PRAP1: variants seen among roughly 807,000 people sequenced by gnomAD.
PRAP1 encodes the protein proline-rich acidic protein 1.
PRAP1 carries 12 observed loss-of-function variants against 14.6 expected under a neutral mutation model. That is an observed-to-expected ratio of 0.82 (90% CI 0.53 to 1.33). The LOEUF (loss-of-function observed/expected upper bound fraction) is 1.33, where lower values mean the gene tolerates loss of function less well. Ranked by LOEUF, PRAP1 falls within the 40% of genes most tolerant of loss-of-function variation. The probability of loss-of-function intolerance (pLI) is 0.00; values close to 1 mark genes in which losing one functional copy is unlikely to be tolerated. For synonymous variants in PRAP1, 81 were observed against 80.3 expected (o/e 1.01, Z -0.04); for missense variants, 160 against 193.7 (o/e 0.83, Z 1.03).
At chr10:133,348,239 A>G (rs7075437) in intron 1 of PRAP1, among the ~76,000 whole-genome samples, 141,624 of 152,112 alleles carry the variant, frequency 0.93, 66,689 homozygotes, top group Non-Finnish European at 1. Context: ...TCCAGTGCCC[A>G]GACAAGAGCC....
rs1848700507 is a variant in PRAP1, at chr10:133,352,597, G to T, written c.*157G>T. ...CCAGCACTTTTAGAGGCCGAGGCAG[G>T]CGGATCACCTGAAATCAGGAGTTCC... On this transcript the variant is annotated 3_prime_UTR_variant, in exon 5 of 5. Transcript: ENST00000433452. 6.4e-6 allele frequency: 4 copies of T among 624,330 alleles called. No homozygotes were observed. In the South Asian group the frequency reaches 8.1e-5, roughly 13 times the overall value. The allele number at this position is 624,330 out of a possible 1,614,324, so 38.7% of individuals were successfully genotyped here.
At chr10:133,348,865 T>C (rs1481789256) in intron 1 of PRAP1, among the ~76,000 whole-genome samples, 2 of 151,974 alleles carry the variant, frequency 1.3e-5, no homozygotes, top group Non-Finnish European at 2.9e-5. Context: ...TTTGCCATGT[T>C]GGCCAGGCTG....
At chr10:133,348,300 C>T (rs969296519) in intron 1 of PRAP1, among the ~76,000 whole-genome samples, 18 of 152,284 alleles carry the variant, frequency 1.2e-4, no homozygotes, top group South Asian at 2.1e-4. Context: ...GCAGGGCCCC[C>T]GAACCAGACC....
chr10:133,350,022 C>T, intron 1 of PRAP1, 73 bp from the exon 2 acceptor site: 2 of 1,316,662 alleles, frequency 1.5e-6, no homozygotes, highest in Non-Finnish European at 2.1e-6. Flanking sequence ...CCCAGCTGCC[C>T]ATCAGGGTGC....
intron 1 of PRAP1, among the ~76,000 whole-genome samples, chr10:133,349,885 G>C (rs1325115911): frequency 6.6e-6 from 1 of 152,228 alleles, no homozygotes; most frequent in Non-Finnish European, 1.5e-5. Context: ...GTGGGCTCTG[G>C]CCTGAGGGGG....
rs778967834 is a variant in PRAP1 at position 133,350,208 on chromosome 10, T to C, written c.75+47T>C. The C allele has an allele frequency of 3.9e-6, 6 of 1,548,376 alleles. No homozygotes were observed. In the Admixed American group the frequency reaches 1.0e-4, roughly 27 times the overall value. ...CTGGGCAGCAACTCCAGTTGTCACC[T>C]TCTGCCCCTACAGCAGGGGATGTGG... On this transcript the variant is annotated intron_variant, in intron 2 of 4. Coordinates refer to ENST00000433452, the MANE Select transcript of PRAP1 (RefSeq NM_145202.5).
Position 133,352,011 on chromosome 10 carries a change from T to TGA in PRAP1, c.134_135insAG (p.Trp45Ter). 6.2e-7 allele frequency: 1 copy of TGA among 1,612,538 alleles called. No homozygotes were observed. Residue 45 changes from tryptophan to a stop codon, truncating the protein, a stop_gained and frameshift_variant, in exon 4 of 5, where the codon TGG (tryptophan) becomes TGAGG (stop). Coordinates refer to ENST00000433452, the MANE Select transcript of PRAP1 (RefSeq NM_145202.5). LOFTEE classifies it high-confidence loss of function. Reference protein sequence around the residue: ...WPSEQDPEKAWGARVVEPPEK... With the variant: ...WPSEQDPEKA ...CTGACCAAACTGTGCCAGCAGGGCC[T>TGA]GGGGCGCCCGTGTGGTGGAGCCTCC... is the stretch of plus-strand genomic sequence containing the variant.
Position 133,352,250 on chromosome 10 carries a change from C to T in PRAP1, c.266C>T (p.Thr89Ile), listed in dbSNP as rs1205968654. The change falls in exon 5 of 5, where the codon ACC (threonine) becomes ATC (isoleucine). Residue 89 changes from threonine to isoleucine, a missense_variant. Transcript: ENST00000433452. ...GQGRGPILPGTKAWMETEDTL... is the reference protein window; with the variant it reads ...GQGRGPILPGIKAWMETEDTL... ...ACCTTCATGTGCTTGTCCCTAGGCA[C>T]CAAGGCCTGGATGGAGACCGAGGAC... 7 of 1,612,766 alleles carry T rather than the reference C, an allele frequency of 4.3e-6. No individual in the cohort carries two copies. The highest frequency in any genetic ancestry group is 5.9e-6 in the Non-Finnish European group (7 of 1,179,844).
chr10:133,348,149 C>T (rs1420046908), intron 1 of PRAP1, among the ~76,000 whole-genome samples: 3 of 152,174 alleles, frequency 2.0e-5, no homozygotes, highest in East Asian at 1.9e-4. Context: ...TACCGTGACC[C>T]GAATCCCAGG....
Position 133,347,498 on chromosome 10 carries a change from G to A in PRAP1, c.8+73G>A. 1 of 1,486,882 alleles carries A rather than the reference G, an allele frequency of 6.7e-7. No homozygotes were observed. The highest frequency in any genetic ancestry group is 9.2e-7 in the Non-Finnish European group (1 of 1,091,104). 92.1% of individuals were successfully genotyped at this position (1,486,882 alleles called of 1,614,324 possible). ...GAGGCCTGGCCCTTAGCCAGAGGGG[G>A]CCCAGCTGTGCTGCGCTCCAGGGGG... On this transcript the variant is annotated intron_variant, in intron 1 of 4. Transcript: ENST00000433452. The surrounding 1 kb of genome is among the most constrained non-coding windows in gnomAD (Gnocchi z 5.0).
rs777576350 is a variant in PRAP1, at chr10:133,352,469, C to G, written c.*29C>G. The G allele has an allele frequency of 1.6e-5, 26 of 1,594,870 alleles. No individual in the cohort carries two copies. Among genetic ancestry groups the G allele is most frequent in the Non-Finnish European group, 1.9e-5 (22 of 1,166,482 alleles). On this transcript the variant is annotated 3_prime_UTR_variant, in exon 5 of 5. Coordinates refer to ENST00000433452, the MANE Select transcript of PRAP1 (RefSeq NM_145202.5). ...TCCAGGGGCCATCACTGCCCCCGCCCTGTCCCAAGGCCCAGGCTGTTGGGA... is the reference window on the plus strand; with the variant it reads ...TCCAGGGGCCATCACTGCCCCCGCCGTGTCCCAAGGCCCAGGCTGTTGGGA...
intron 1 of PRAP1, among the ~76,000 whole-genome samples, chr10:133,349,186 C>T (rs541523774): frequency 1.3e-5 from 2 of 151,538 alleles, no homozygotes; most frequent in African/African-American, 2.4e-5. Context: ...CAAACCCTTA[C>T]GCTCCACCCC....
rs1176061399 is a variant in PRAP1, at chr10:133,352,601, A to G, written c.*161A>G. ...CACTTTTAGAGGCCGAGGCAGGCGG[A>G]TCACCTGAAATCAGGAGTTCCAGAC... On this transcript the variant is annotated 3_prime_UTR_variant, in exon 5 of 5. Coordinates refer to ENST00000433452, the MANE Select transcript of PRAP1 (RefSeq NM_145202.5). The G allele has an allele frequency of 4.9e-6, 3 of 611,618 alleles. No individual in the cohort carries two copies. The African/African-American group carries it at 5.6e-5, about 11-fold the overall frequency. 37.9% of individuals were successfully genotyped at this position (611,618 alleles called of 1,614,324 possible).
chr10:133,351,510 C>A lies in PRAP1; in HGVS notation c.128+77C>A, dbSNP rs910527438. On this transcript the variant is annotated intron_variant, in intron 3 of 4. Coordinates refer to ENST00000433452, the MANE Select transcript of PRAP1 (RefSeq NM_145202.5). The surrounding 1 kb of genome is among the most constrained non-coding windows in gnomAD (Gnocchi z 4.3). ...CCGTTCTGCTGGGCCCTTCCTGAACCTGGAGAGCACGGGGCAGATGCAGAG... is the reference window on the plus strand; with the variant it reads ...CCGTTCTGCTGGGCCCTTCCTGAACATGGAGAGCACGGGGCAGATGCAGAG... The A allele has an allele frequency of 3.7e-5, 44 of 1,178,286 alleles. No homozygotes were observed. The highest frequency in any genetic ancestry group is 4.8e-5 in the Non-Finnish European group (39 of 814,000). 73.0% of individuals were successfully genotyped at this position (1,178,286 alleles called of 1,614,324 possible).
Position 133,347,412 on chromosome 10 carries a change from CCA to C in PRAP1, c.-5_-4del, listed in dbSNP as rs1848603766. 6.2e-7 allele frequency: 1 copy of C among 1,612,954 alleles called. No homozygotes were observed. The highest frequency in any genetic ancestry group is 8.5e-7 in the Non-Finnish European group (1 of 1,179,338). ...AGCACTCTCTACAGAGACGCGGACC[CCA>C]GACATGAGGAGGTAATGCCACCATC... On this transcript the variant is annotated 5_prime_UTR_variant, in exon 1 of 5. Coordinates refer to ENST00000433452, the MANE Select transcript of PRAP1 (RefSeq NM_145202.5). The surrounding 1 kb of genome is among the most constrained non-coding windows in gnomAD (Gnocchi z 5.0).
In PRAP1 at chr10:133,351,256, T is replaced by G; in HGVS notation, c.76-125T>G. On this transcript the variant is annotated intron_variant, in intron 2 of 4. Coordinates refer to ENST00000433452, the MANE Select transcript of PRAP1 (RefSeq NM_145202.5). This position sits in a 1 kb window ranked among gnomAD's most constrained non-coding sequence, Gnocchi z 4.3. Reference sequence around the variant, plus strand: ...CGCTCGAGCTGTGCTGAGCTGGCCCTGCCCCCACCCCCTGCAGCCACCTCC... The same window carrying G: ...CGCTCGAGCTGTGCTGAGCTGGCCCGGCCCCCACCCCCTGCAGCCACCTCC... 3 of 630,358 alleles carry G rather than the reference T, an allele frequency of 4.8e-6. No homozygotes were observed. In the South Asian group the frequency reaches 5.7e-5, roughly 12 times the overall value. 39.0% of individuals were successfully genotyped at this position (630,358 alleles called of 1,614,324 possible). A position where few individuals can be genotyped will look rare whatever the true frequency, so the allele number is the denominator to read the frequency against.
At chr10:133,348,534 G>A (rs1327741592) in intron 1 of PRAP1, among the ~76,000 whole-genome samples, 1 of 151,172 alleles carries the variant, frequency 6.6e-6, no homozygotes, top group Admixed American at 6.6e-5. Flanking sequence ...TTGAGACAGA[G>A]TGTCTCGCTC....
chr10:133,349,970 TA>T, intron 1 of PRAP1, 124 bp from the exon 2 acceptor site: 3 of 780,094 alleles, frequency 3.8e-6, no homozygotes, highest in Non-Finnish European at 6.3e-6. Context: ...CACAGTCCAG[TA>T]AAACTACCTG....
rs1431304785 is a variant in PRAP1 at position 133,349,161 on chromosome 10, GCA to G, written c.9-928_9-927del. On this transcript the variant is annotated intron_variant, in intron 1 of 4. Transcript: ENST00000433452. ...TACACACCACACACGCATGCACACA[GCA>G]CACACCCACCCCCAAACCCTTACGC... Among the ~76,000 whole-genome samples, 7 of 149,542 alleles carry G rather than the reference GCA, an allele frequency of 4.7e-5. No homozygotes were observed. The Admixed American group carries it at 4.7e-4, about 10-fold the overall frequency.
Sources: allele counts gnomAD v4.1 joint callset (sites outside exome capture counted in the v4.1 genomes callset), GRCh38; gene constraint gnomAD v4.1.1; non-coding constraint Gnocchi (gnomAD v3.1); transcripts MANE v1.5; gene names NCBI Gene and HGNC (gene_info 2026-07-23, HGNC 2026-07-21).